DMD: variants seen among roughly 807,000 people sequenced by gnomAD.
The protein encoded by DMD is mutant dystrophin.
DMD carries 63 observed loss-of-function variants against 330.1 expected under a neutral mutation model. The ratio of observed to expected loss-of-function variants is 0.19; its 90% CI spans 0.16 to 0.24. DMD has a LOEUF of 0.24. Ranked by LOEUF, DMD falls within the 10% of genes least tolerant of loss-of-function variation. The pLI is 1.00. For missense variants in DMD, 3,344 were observed against 2,684.1 expected (o/e 1.25, Z -5.43); for synonymous variants, 1,223 against 959.8 (o/e 1.27, Z -5.07).
chrX:32,403,178 T>A (rs1169293893), intron 30 of DMD, among the ~76,000 whole-genome samples: 2 of 111,957 alleles, frequency 1.8e-5, no homozygotes, highest in Non-Finnish European at 3.8e-5. Flanking sequence ...TTATGCTAAG[T>A]GTTATCTGGC....
chrX:31,340,876 T>G (rs763905461), intron 61 of DMD, among the ~76,000 whole-genome samples: 25 of 112,200 alleles, frequency 2.2e-4, no homozygotes, highest in African/African-American at 8.1e-4. Context: ...AATATAACTG[T>G]CAACAAGACT....
At chrX:31,535,910 G>T (rs1302063022) in intron 55 of DMD, among the ~76,000 whole-genome samples, 1 of 112,035 alleles carries the variant, frequency 8.9e-6, no homozygotes, top group Admixed American at 9.5e-5. Flanking sequence ...CCCTTTGAAA[G>T]TTGGACAACT....
At chrX:32,074,290 TA>T (rs1371978009) in intron 44 of DMD, among the ~76,000 whole-genome samples, 1 of 111,649 alleles carries the variant, frequency 9.0e-6, no homozygotes, top group Non-Finnish European at 1.9e-5. Flanking sequence ...ATGGGAACAA[TA>T]TACAGTATTT....
intron 43 of DMD, among the ~76,000 whole-genome samples, chrX:32,280,063 T>G (rs1486622442): frequency 2.0e-5 from 2 of 101,028 alleles, no homozygotes; most frequent in Non-Finnish European, 4.0e-5. Context: ...TATGTATGTG[T>G]GTATATACAT....
At chrX:32,702,483 A>C in intron 7 of DMD, among the ~76,000 whole-genome samples, 1 of 111,362 alleles carries the variant, frequency 9.0e-6, no homozygotes, top group African/African-American at 3.3e-5. Context: ...AGAGTAGTGA[A>C]AACTAAGATG....
intron 1 of DMD, among the ~76,000 whole-genome samples, chrX:33,071,181 G>A (rs1322852112): frequency 9.0e-6 from 1 of 111,052 alleles, no homozygotes. Context: ...GCCGGACTTG[G>A]TGGCTCACAC....
chrX:31,712,572 G>A (rs776911729), intron 52 of DMD, among the ~76,000 whole-genome samples: 63 of 90,840 alleles, frequency 6.9e-4, no homozygotes, highest in African/African-American at 2.3e-3. Context: ...TAATATTTTC[G>A]TTCAGTGATG....
chrX:32,407,953 T>A, intron 30 of DMD, among the ~76,000 whole-genome samples: 1 of 77,411 alleles, frequency 1.3e-5, no homozygotes, highest in Non-Finnish European at 2.3e-5. Context: ...AAGGGGAACA[T>A]CACACACCAG....
chrX:32,790,522 G>A (rs1272416751), intron 7 of DMD, among the ~76,000 whole-genome samples: 2 of 111,334 alleles, frequency 1.8e-5, no homozygotes, highest in African/African-American at 3.3e-5. Context: ...CTGGTTTTGA[G>A]AGCCCAGCCC....
chrX:32,978,912 T>A lies in DMD; in HGVS notation c.93+41227A>T, dbSNP rs527955509. The stretch of plus-strand genomic sequence containing the variant: ...CTCATTGTAACTATGGCCAAAAGAG[T>A]CACTGTTTTAAACACAATCTCACAT... On this transcript the variant is annotated intron_variant, in intron 2 of 78. Transcript: ENST00000357033. Among the ~76,000 whole-genome samples, 45 of 111,935 alleles carry A rather than the reference T, an allele frequency of 4.0e-4. 1 individual carries two copies. In the South Asian group the frequency reaches 0.014, roughly 34 times the overall value.
intron 43 of DMD, among the ~76,000 whole-genome samples, chrX:32,265,146 C>A (rs1052042230): frequency 1.8e-5 from 2 of 111,865 alleles, no homozygotes; most frequent in Non-Finnish European, 3.8e-5. Flanking sequence ...CCTAGGAAGG[C>A]AAAATGGTTT....
chrX:31,228,008 C>CA (rs1189565276), intron 63 of DMD, among the ~76,000 whole-genome samples: 1 of 101,197 alleles, frequency 9.9e-6, no homozygotes, highest in Non-Finnish European at 2.0e-5. Flanking sequence ...ATCGCAAGAA[C>CA]AAAAAACCAA....
intron 60 of DMD, among the ~76,000 whole-genome samples, chrX:31,371,549 T>G (rs938564810): frequency 9.9e-5 from 11 of 110,723 alleles, no homozygotes; most frequent in Non-Finnish European, 5.7e-5. Flanking sequence ...ATGAGTAGTG[T>G]CCGGTGAAAG....
chrX:32,878,952 G>C (rs367727002), intron 2 of DMD, among the ~76,000 whole-genome samples: 1 of 106,298 alleles, frequency 9.4e-6, no homozygotes, highest in East Asian at 3.0e-4. Context: ...AGGTTGCATT[G>C]AGTTGAGACA....
chrX:32,281,032 A>G (rs2097418906), intron 43 of DMD, among the ~76,000 whole-genome samples: 1 of 111,657 alleles, frequency 9.0e-6, no homozygotes, highest in Non-Finnish European at 1.9e-5. Context: ...CGTTTCTTTC[A>G]TTTTCTCATT....
At chrX:33,066,208 T>G (rs1242187216) in intron 1 of DMD, among the ~76,000 whole-genome samples, 2 of 108,934 alleles carry the variant, frequency 1.8e-5, no homozygotes, top group African/African-American at 6.7e-5. Flanking sequence ...TCCTAGCACT[T>G]TGGGAGGCCG....
intron 61 of DMD, among the ~76,000 whole-genome samples, chrX:31,343,736 T>C (rs1194448123): frequency 9.1e-6 from 1 of 109,745 alleles, no homozygotes; most frequent in African/African-American, 3.3e-5. Flanking sequence ...TTCCTCCTTA[T>C]TTTTCTTTTC....
At chrX:32,224,462 TGTA>T (rs1204284609) in intron 43 of DMD, among the ~76,000 whole-genome samples, 1 of 111,571 alleles carries the variant, frequency 9.0e-6, no homozygotes, top group African/African-American at 3.3e-5. Flanking sequence ...ACATGTGCAC[TGTA>T]CAAGATAATG....
Position 31,776,498 on chromosome X carries a change from C to G in DMD, c.7310-2306G>C, listed in dbSNP as rs186927494. ...TTTCAATAAAGTGAAGGATGAGGAA[C>G]TAGAGAATTATCAGACTTCAACAAG... On this transcript the variant is annotated intron_variant, in intron 50 of 78. Transcript: ENST00000357033. Among the ~76,000 whole-genome samples the G allele has an allele frequency of 4.2e-3, 444 of 104,834 alleles. 2 individuals are homozygous for G. The highest frequency in any genetic ancestry group is 0.014 in the African/African-American group (407 of 28,444). The allele number at this position is 104,834 out of a possible 115,157, so 91.0% of individuals were successfully genotyped here. A position where few individuals can be genotyped will look rare whatever the true frequency, so the allele number is the denominator to read the frequency against.
Sources: allele counts gnomAD v4.1 joint callset (sites outside exome capture counted in the v4.1 genomes callset), GRCh38; gene constraint gnomAD v4.1.1; transcripts MANE v1.5; gene names NCBI Gene and HGNC (gene_info 2026-07-23, HGNC 2026-07-21).